Variants in TANGO6 observed in about 807,000 individuals in gnomAD.
TANGO6 encodes the protein transport and Golgi organization protein 6 homolog.
In TANGO6, 90 loss-of-function variants were observed where a neutral mutation model predicts 114.2. The ratio of observed to expected loss-of-function variants is 0.79; its 90% CI spans 0.66 to 0.94. The LOEUF is 0.94. Ranked by LOEUF, TANGO6 falls within the 40% of genes least tolerant of loss-of-function variation. The probability of loss-of-function intolerance (pLI) is 0.00; values close to 1 mark genes in which losing one functional copy is unlikely to be tolerated. For missense variants in TANGO6, 1,274 were observed against 1,315.3 expected (o/e 0.97, Z 0.49); for synonymous variants, 477 against 509.8 (o/e 0.94, Z 0.87).
intron 14 of TANGO6, among the ~76,000 whole-genome samples, chr16:68,967,719 G>A (rs527621541): frequency 1.0e-3 from 155 of 152,234 alleles, no homozygotes; most frequent in African/African-American, 3.5e-3. Context: ...GTGGTTTTCC[G>A]GGTTGCTGTG....
In TANGO6 at chr16:68,913,404, A is replaced by AT. The variant is rs769117351; in HGVS notation, c.1992+4024dup. ...CTACTATACCTCAATAAAATTATTA[A>AT]TTTTTTTTTTTTTTTTTTTTTTGAG... On this transcript the variant is annotated intron_variant, in intron 11 of 17. Coordinates refer to ENST00000261778, the MANE Select transcript of TANGO6 (RefSeq NM_024562.2). Among the ~76,000 whole-genome samples, 971 of 122,516 alleles carry AT rather than the reference A, an allele frequency of 7.9e-3. 9 individuals carry two copies. Among genetic ancestry groups the AT allele is most frequent in the Middle Eastern group, 0.018 (4 of 228 alleles). 80.4% of individuals were successfully genotyped at this position (122,516 alleles called of 152,430 possible).
At chr16:68,929,004 C>T (rs1321407558) in intron 13 of TANGO6, among the ~76,000 whole-genome samples, 2 of 152,064 alleles carry the variant, frequency 1.3e-5, no homozygotes, top group Non-Finnish European at 2.9e-5. Context: ...CTGCAATTTC[C>T]ACCTCCTGGG....
rs1360479735 is a variant in TANGO6 at position 69,015,501 on chromosome 16, A to ATTTATTTATTTTG, written c.2843-7327_2843-7326insTTTATTTATTTTG. ...ATTTATTTATTTATTTATTTATTTT[A>ATTTATTTATTTTG]AACAGAGTCTTGCTCTGTCGCCCAG... On this transcript the variant is annotated intron_variant, in intron 15 of 17. Transcript: ENST00000261778. 1.6e-4 allele frequency among the ~76,000 whole-genome samples: 9 copies of ATTTATTTATTTTG among 56,168 alleles called. No individual in the cohort carries two copies. The East Asian group carries it at 6.3e-3, about 39-fold the overall frequency. 36.8% of individuals were successfully genotyped at this position (56,168 alleles called of 152,430 possible). A position where few individuals can be genotyped will look rare whatever the true frequency, so the allele number is the denominator to read the frequency against.
rs56983779 is a variant in TANGO6 at position 69,063,808 on chromosome 16, C to CTTCTTCTTCTTCTTCTTA, written c.3109-19675_3109-19674insCTTCTTCTTCTTCTTATT. ...TCTTCTTCTTCTTCTTCTTCTTCTT[C>CTTCTTCTTCTTCTTCTTA]TTATTATTATTATTATTATTATTAT... On this transcript the variant is annotated intron_variant, in intron 17 of 17. Transcript: ENST00000261778. 4.1e-3 allele frequency among the ~76,000 whole-genome samples: 513 copies of CTTCTTCTTCTTCTTCTTA among 125,536 alleles called. 2 individuals are homozygous for CTTCTTCTTCTTCTTCTTA. Among genetic ancestry groups the CTTCTTCTTCTTCTTCTTA allele is most frequent in the African/African-American group, 0.015 (447 of 30,606 alleles). 82.4% of individuals were successfully genotyped at this position (125,536 alleles called of 152,430 possible).
intron 15 of TANGO6, among the ~76,000 whole-genome samples, chr16:68,993,619 A>G (rs938890545): frequency 2.0e-5 from 3 of 152,248 alleles, no homozygotes; most frequent in Non-Finnish European, 2.9e-5. Context: ...ACATGAAGTT[A>G]TAGTCTCAAT....
At chr16:69,071,625 A>G (rs1329047796) in intron 17 of TANGO6, among the ~76,000 whole-genome samples, 1 of 152,238 alleles carries the variant, frequency 6.6e-6, no homozygotes, top group Non-Finnish European at 1.5e-5. Context: ...TTAGAGAGGT[A>G]GTCTAACTAG....
At chr16:68,920,097 A>T (rs1214871271) in intron 12 of TANGO6, among the ~76,000 whole-genome samples, 1 of 152,198 alleles carries the variant, frequency 6.6e-6, no homozygotes, top group Non-Finnish European at 1.5e-5. Context: ...TGTGTGCCAC[A>T]CATACTAAGC....
chr16:68,875,241 C>T lies in TANGO6; in HGVS notation c.1082C>T (p.Pro361Leu), dbSNP rs202072805. The change falls in exon 5 of 18, where the codon CCC becomes CTC. Residue 361 changes from proline (P) to leucine (L), a missense_variant. Physicochemically the swap from Pro to Leu is moderately conservative, Grantham distance 98. Transcript: ENST00000261778. The stretch of plus-strand genomic sequence containing the variant: ...ATCGCAAAGATTTTGGCCTCTTGTC[C>T]CCAGCAGTCTCTTTCACCAGAGAAT... ...DLIAKILASCPQQSLSPENYY... is the reference protein window; with the variant it reads ...DLIAKILASCLQQSLSPENYY... 6.2e-7 allele frequency: 1 copy of T among 1,613,684 alleles called. No individual in the cohort carries two copies. The highest frequency in any genetic ancestry group is 1.3e-5 in the African/African-American group (1 of 74,990).
At chr16:68,986,373 G>A (rs908738660) in intron 15 of TANGO6, among the ~76,000 whole-genome samples, 1 of 152,112 alleles carries the variant, frequency 6.6e-6, no homozygotes, top group Non-Finnish European at 1.5e-5. Context: ...CAGCTCCTCA[G>A]ATTACTCTAT....
chr16:68,861,083 AC>A (rs1962085319), intron 2 of TANGO6, among the ~76,000 whole-genome samples: 1 of 152,178 alleles, frequency 6.6e-6, no homozygotes, highest in African/African-American at 2.4e-5. Flanking sequence ...CATCCAGACT[AC>A]AGAAGTTGCT....
intron 16 of TANGO6, among the ~76,000 whole-genome samples, chr16:69,026,865 C>T (rs1402899954): frequency 1.3e-5 from 2 of 151,816 alleles, no homozygotes; most frequent in African/African-American, 2.4e-5. Flanking sequence ...ATTTTCCCTT[C>T]TTTTTTTTAT....
intron 15 of TANGO6, among the ~76,000 whole-genome samples, chr16:68,995,653 G>A (rs1331520399): frequency 1.3e-5 from 2 of 152,166 alleles, no homozygotes; most frequent in Admixed American, 6.5e-5. Context: ...AGACTACTCA[G>A]TGCCAATTCT....
At chr16:68,954,830 G>A (rs938855961) in intron 14 of TANGO6, among the ~76,000 whole-genome samples, 4 of 152,210 alleles carry the variant, frequency 2.6e-5, no homozygotes, top group Non-Finnish European at 4.4e-5. Flanking sequence ...TTTTTTAGCG[G>A]TGGAATCCAT....
chr16:68,956,021 G>A (rs763284932), intron 14 of TANGO6, among the ~76,000 whole-genome samples: 14 of 151,946 alleles, frequency 9.2e-5, no homozygotes, highest in Non-Finnish European at 1.9e-4. Flanking sequence ...CATGGTGGTG[G>A]GCACCTGTAA....
chr16:69,047,180 CAA>C lies in TANGO6; in HGVS notation c.3108+6775_3108+6776del, dbSNP rs11435479. Among the ~76,000 whole-genome samples, 355 of 104,556 alleles carry C rather than the reference CAA, an allele frequency of 3.4e-3. 1 individual carries two copies. The highest frequency in any genetic ancestry group is 0.014 in the African/African-American group (330 of 23,640). The allele number at this position is 104,556 out of a possible 152,430, so 68.6% of individuals were successfully genotyped here. On this transcript the variant is annotated intron_variant, in intron 17 of 17. Coordinates refer to ENST00000261778, the MANE Select transcript of TANGO6 (RefSeq NM_024562.2). ...TGGGCAACAGAGTGAGACTCTGTCT[CAA>C]AAAAAAAAAAAAAAAGAGTGATTTT...
rs779212596 is a variant in TANGO6, at chr16:68,988,002, T to G, written c.2842+13834T>G. Among the ~76,000 whole-genome samples the G allele has an allele frequency of 7.6e-4, 115 of 152,158 alleles. 2 individuals are homozygous for G. The highest frequency in any genetic ancestry group is 1.3e-4 in the Non-Finnish European group (9 of 68,036). ...TTTTGCATTTTTTAATTGGGCTAAT[T>G]ATCTTCTTATTACTGAGTTGCGAGG... is the stretch of plus-strand genomic sequence containing the variant. On this transcript the variant is annotated intron_variant, in intron 15 of 17. Transcript: ENST00000261778.
At chr16:69,035,138 A>C (rs1348061058) in intron 16 of TANGO6, 1 of 152,144 alleles carries the variant, frequency 6.6e-6, no homozygotes, top group African/African-American at 2.4e-5. Flanking sequence ...GAATGACCTG[A>C]ATTTACTATC....
intron 15 of TANGO6, among the ~76,000 whole-genome samples, chr16:68,983,711 A>C (rs531870367): frequency 6.6e-6 from 1 of 152,174 alleles, no homozygotes; most frequent in Non-Finnish European, 1.5e-5. Context: ...CATCATCATC[A>C]CAGCACAACA....
chr16:68,984,970 CT>C (rs895112684), intron 15 of TANGO6, among the ~76,000 whole-genome samples: 9 of 147,122 alleles, frequency 6.1e-5, no homozygotes, highest in East Asian at 4.0e-4. Flanking sequence ...ATATATACTG[CT>C]TTTTTTTTTC....
Sources: allele counts gnomAD v4.1 joint callset (sites outside exome capture counted in the v4.1 genomes callset), GRCh38; gene constraint gnomAD v4.1.1; transcripts MANE v1.5; gene names NCBI Gene and HGNC (gene_info 2026-07-23, HGNC 2026-07-21).